The following CLHC1 variants were observed in gnomAD, a reference collection of about 807,000 sequenced individuals.
CLHC1 encodes the protein clathrin heavy chain linker domain containing 1, also known as clathrin heavy chain linker domain-containing protein 1.
A neutral mutation model predicts 69.5 loss-of-function variants in CLHC1; 72 were observed. That is an observed-to-expected ratio of 1.04 (90% CI 0.86 to 1.26). The LOEUF (loss-of-function observed/expected upper bound fraction) is 1.26. CLHC1 is among the 50% of genes most tolerant of loss of function. The pLI, the probability that CLHC1 is intolerant of heterozygous loss-of-function variation, is 0.00. For synonymous variants in CLHC1, 223 were observed against 224.3 expected, an observed-to-expected ratio of 0.99 and a Z score of 0.05; for missense variants, 790 against 679.3, an observed-to-expected ratio of 1.16 and a Z score of -1.81.
intron 8 of CLHC1, 138 bp from the exon 9 acceptor site, chr2:55,206,514 C>T (rs917235328): frequency 6.2e-6 from 4 of 642,644 alleles, no homozygotes; most frequent in African/African-American, 3.7e-5. Flanking sequence ...TAAACTATAA[C>T]TAGAATCATT....
chr2:55,209,593 A>G, intron 6 of CLHC1, 37 bp downstream of exon 6: 1 of 1,598,978 alleles, frequency 6.3e-7, no homozygotes, highest in South Asian at 1.1e-5. Context: ...CACAAATAAA[A>G]CTCCAAACTT....
Position 55,209,422 on chromosome 2 carries a change from TC to T in CLHC1, c.795del (p.Thr267ProfsTer14). On this transcript the variant is annotated frameshift_variant, in exon 7 of 13. Coordinates refer to ENST00000401408, the MANE Select transcript of CLHC1 (RefSeq NM_152385.4). LOFTEE classifies it high-confidence loss of function. ...AATCTACCTTGTAAATATTTGGTTT[TC>T]TGAATTTGCTCCACAAAGTCTTGAA... ...SPFQDFVEQI[Q>X]KTKYLQGDQG... The T allele has an allele frequency of 6.2e-7, 1 of 1,601,192 alleles. No homozygotes were observed. Among genetic ancestry groups the T allele is most frequent in the African/African-American group, 1.3e-5 (1 of 74,348 alleles).
chr2:55,198,666 T>C (rs1478591484), intron 9 of CLHC1, among the ~76,000 whole-genome samples: 1 of 151,994 alleles, frequency 6.6e-6, no homozygotes, highest in East Asian at 1.9e-4. Flanking sequence ...AAGTACAAGG[T>C]TATAGAACAG....
At chr2:55,177,827 A>G (rs760712433) in intron 11 of CLHC1, 46 bp from the exon 12 acceptor site, 2 of 1,394,674 alleles carry the variant, frequency 1.4e-6, no homozygotes, top group East Asian at 2.3e-5. Flanking sequence ...CTAATATCAT[A>G]AATCAACTAG....
At chr2:55,227,881 C>T (rs1220595727) in intron 2 of CLHC1, among the ~76,000 whole-genome samples, 151 bp downstream of exon 2, 2 of 152,124 alleles carry the variant, frequency 1.3e-5, no homozygotes, top group East Asian at 3.9e-4. Flanking sequence ...CTCTTCATGT[C>T]CCTGTCCTTT....
At chr2:55,230,072 C>CA (rs1310270313) in intron 1 of CLHC1, among the ~76,000 whole-genome samples, 4 of 150,930 alleles carry the variant, frequency 2.7e-5, no homozygotes, top group East Asian at 3.9e-4. Context: ...AACTCCATCT[C>CA]AAAAAAAAGA....
intron 9 of CLHC1, among the ~76,000 whole-genome samples, chr2:55,194,922 T>C (rs1671261291): frequency 6.6e-6 from 1 of 152,012 alleles, no homozygotes; most frequent in Non-Finnish European, 1.5e-5. Flanking sequence ...AACTTTTTTT[T>C]TTCTTTTTTT....
chr2:55,231,170 A>AAC (rs1462663339), intron 1 of CLHC1, among the ~76,000 whole-genome samples: 1 of 151,956 alleles, frequency 6.6e-6, no homozygotes, highest in Non-Finnish European at 1.5e-5. Flanking sequence ...GAATTGCTTG[A>AAC]ACCTGGGAGG....
At chr2:55,188,659 T>C (rs1217546394) in intron 9 of CLHC1, among the ~76,000 whole-genome samples, 5 of 152,172 alleles carry the variant, frequency 3.3e-5, no homozygotes, top group Non-Finnish European at 5.9e-5. Context: ...CAAAATTGTT[T>C]ATAATAGCCC....
intron 1 of CLHC1, among the ~76,000 whole-genome samples, chr2:55,229,663 G>A (rs537904895): frequency 5.9e-5 from 9 of 152,368 alleles, no homozygotes; most frequent in South Asian, 2.1e-4. Flanking sequence ...GCCTCTACTT[G>A]TTCCAGCACT....
At chr2:55,205,506 C>T (rs983709819) in intron 9 of CLHC1, among the ~76,000 whole-genome samples, 9 of 151,662 alleles carry the variant, frequency 5.9e-5, no homozygotes, top group African/African-American at 9.7e-5. Flanking sequence ...TAAATTAGGG[C>T]GAGAGAACTA....
At chr2:55,206,679 G>T (rs1441883376) in intron 8 of CLHC1, 2 of 265,056 alleles carry the variant, frequency 7.5e-6, no homozygotes, top group Admixed American at 1.1e-4. Context: ...ATGGAAGAAA[G>T]AACTTGAATT....
chr2:55,177,336 T>C (rs1160214636), intron 12 of CLHC1, among the ~76,000 whole-genome samples: 1 of 152,082 alleles, frequency 6.6e-6, no homozygotes, highest in Non-Finnish European at 1.5e-5. Context: ...ATATACAAAG[T>C]TTTTAGTGTT....
intron 8 of CLHC1, 108 bp from the exon 9 acceptor site, chr2:55,206,484 A>C (rs1672461425): frequency 1.5e-6 from 1 of 677,224 alleles, no homozygotes; most frequent in Non-Finnish European, 2.6e-6. Flanking sequence ...ACGATATGGA[A>C]AAACAAAAAG....
chr2:55,189,191 A>G (rs1311355828), intron 9 of CLHC1, among the ~76,000 whole-genome samples: 1 of 152,198 alleles, frequency 6.6e-6, no homozygotes, highest in Admixed American at 6.5e-5. Context: ...AAAAGCCAAG[A>G]TAGGAGAAAA....
At chr2:55,199,940 T>C (rs1352986417) in intron 9 of CLHC1, among the ~76,000 whole-genome samples, 1 of 151,724 alleles carries the variant, frequency 6.6e-6, no homozygotes, top group African/African-American at 2.4e-5. Context: ...AGACATAGAG[T>C]GGGCCAGACA....
intron 9 of CLHC1, among the ~76,000 whole-genome samples, chr2:55,204,573 G>T (rs1382048439): frequency 6.6e-6 from 1 of 152,114 alleles, no homozygotes; most frequent in Non-Finnish European, 1.5e-5. Context: ...CTCAAAAAAT[G>T]AAAACTTGGG....
intron 9 of CLHC1, among the ~76,000 whole-genome samples, chr2:55,191,323 C>T (rs1406192300): frequency 6.6e-6 from 1 of 152,190 alleles, no homozygotes; most frequent in African/African-American, 2.4e-5. Context: ...TGCACCTCCA[C>T]CTCCTGGATT....
chr2:55,187,279 C>CAAATAAAATAAAATA (rs58159859), intron 9 of CLHC1, among the ~76,000 whole-genome samples: 2,725 of 127,338 alleles, frequency 0.021, 70 homozygotes, highest in African/African-American at 0.057. Context: ...AACTCCATCT[C>CAAATAAAATAAAATA]AAATAAAATA....
Sources: gnomAD v4.1 joint callset for allele counts (sites outside exome capture counted in the v4.1 genomes callset) on GRCh38, gnomAD v4.1.1 for gene constraint, MANE v1.5 for transcripts, NCBI Gene and HGNC (gene_info 2026-07-23, HGNC 2026-07-21) for gene names.